Variants in SNTG1 observed in about 807,000 individuals in gnomAD.
The protein encoded by SNTG1 is syntrophin gamma 1, also known as gamma-1-syntrophin.
Under a neutral mutation model 74.7 loss-of-function variants are expected in SNTG1, and 39 were observed. The ratio of observed to expected loss-of-function variants is 0.52; its 90% CI spans 0.40 to 0.68. The LOEUF (loss-of-function observed/expected upper bound fraction) is 0.68, where lower values mean the gene tolerates loss of function less well. SNTG1 is among the 30% of genes least tolerant of loss of function. The pLI is 0.00. For synonymous variants in SNTG1, 254 were observed against 217.1 expected (o/e 1.17, Z -1.49); for missense variants, 685 against 609.5 (o/e 1.12, Z -1.30).
chr8:50,363,516 G>GTA (rs918556183), intron 2 of SNTG1, among the ~76,000 whole-genome samples: 25 of 150,392 alleles, frequency 1.7e-4, no homozygotes, highest in African/African-American at 4.9e-4. Context: ...CAGGGTGTGT[G>GTA]TATGTGTGTG....
Position 50,234,378 on chromosome 8 carries a change from G to GTA in SNTG1, c.-28+61743_-28+61744insTA, listed in dbSNP as rs1437884681. ...CAGATTAGTGGATTGCGTGGGTTAG[G>GTA]GGTGTGTGTGTAACTATAAAGGAGT... is the stretch of plus-strand genomic sequence containing the variant. On this transcript the variant is annotated intron_variant, in intron 2 of 18. Coordinates refer to ENST00000642720, the MANE Select transcript of SNTG1 (RefSeq NM_018967.5). Among the ~76,000 whole-genome samples the GTA allele has an allele frequency of 2.0e-5, 3 of 151,896 alleles. No homozygotes were observed. The East Asian group carries it at 5.8e-4, about 30-fold the overall frequency.
chr8:50,712,268 AT>A (rs1422192877), intron 17 of SNTG1, among the ~76,000 whole-genome samples: 1 of 152,162 alleles, frequency 6.6e-6, no homozygotes, highest in Non-Finnish European at 1.5e-5. Flanking sequence ...ATGAGAAATC[AT>A]GTCTGTGGGT....
At chr8:50,317,728 G>T (rs1323660619) in intron 2 of SNTG1, among the ~76,000 whole-genome samples, 2 of 152,158 alleles carry the variant, frequency 1.3e-5, no homozygotes, top group Non-Finnish European at 1.5e-5. Context: ...TTATGACATC[G>T]TTTGCCTATT....
intron 4 of SNTG1, 68 bp from the exon 5 acceptor site, chr8:50,438,475 C>T: frequency 4.9e-6 from 7 of 1,425,130 alleles, no homozygotes; most frequent in Non-Finnish European, 6.8e-6. Flanking sequence ...ACCAAAAAAA[C>T]AACAAAAAAT....
At chr8:50,333,223 T>C (rs187983303) in intron 2 of SNTG1, among the ~76,000 whole-genome samples, 23 of 152,346 alleles carry the variant, frequency 1.5e-4, no homozygotes, top group Admixed American at 1.3e-3. Context: ...CTATGTATCA[T>C]AATTTATAAA....
At chr8:50,769,421 T>C (rs2095621810) in intron 18 of SNTG1, among the ~76,000 whole-genome samples, 2 of 151,954 alleles carry the variant, frequency 1.3e-5, no homozygotes, top group Admixed American at 1.3e-4. Context: ...CTGGAAGCAA[T>C]TTCCCAGGAA....
rs576428444 is a variant in SNTG1, at chr8:50,446,091, G to A, written c.220-3577G>A. On this transcript the variant is annotated intron_variant, in intron 5 of 18. Transcript: ENST00000642720. The stretch of plus-strand genomic sequence containing the variant: ...TACACTGGAAGAGAGGCAGTTTAAA[G>A]GTTCTCATTATTATTCAACTGTCAT... Among the ~76,000 whole-genome samples the A allele has an allele frequency of 5.9e-5, 9 of 152,240 alleles. 1 individual carries two copies. The South Asian group carries it at 1.7e-3, about 28-fold the overall frequency.
At chr8:50,354,712 G>C (rs1049297249) in intron 2 of SNTG1, among the ~76,000 whole-genome samples, 1 of 152,114 alleles carries the variant, frequency 6.6e-6, no homozygotes, top group Non-Finnish European at 1.5e-5. Context: ...GGGTCTGCAG[G>C]TCAGGATCTC....
intron 2 of SNTG1, among the ~76,000 whole-genome samples, chr8:50,262,389 A>G (rs78249509): frequency 0.063 from 9,556 of 152,208 alleles, 305 homozygotes; most frequent in Middle Eastern, 0.11. Context: ...AGAGAAAATC[A>G]GCAAACCAAC....
At chr8:50,702,974 A>T (rs2095431243) in intron 15 of SNTG1, among the ~76,000 whole-genome samples, 1 of 152,228 alleles carries the variant, frequency 6.6e-6, no homozygotes, top group African/African-American at 2.4e-5. Flanking sequence ...ACTTACCATG[A>T]ATGGAGTTTG....
At chr8:50,039,368 T>C (rs1412189532) in intron 1 of SNTG1, among the ~76,000 whole-genome samples, 1 of 136,304 alleles carries the variant, frequency 7.3e-6, no homozygotes, top group Non-Finnish European at 1.5e-5. Flanking sequence ...GGCAGGAGAA[T>C]GGCATGAACC....
intron 2 of SNTG1, among the ~76,000 whole-genome samples, chr8:50,329,753 C>T (rs1024674539): frequency 1.3e-5 from 2 of 152,144 alleles, no homozygotes; most frequent in African/African-American, 4.8e-5. Context: ...TAGTGATTAG[C>T]ATATGGCTCC....
At chr8:50,265,106 G>T (rs934876515) in intron 2 of SNTG1, among the ~76,000 whole-genome samples, 1 of 151,940 alleles carries the variant, frequency 6.6e-6, no homozygotes, top group Non-Finnish European at 1.5e-5. Flanking sequence ...ATTTAAAAAA[G>T]AGTGAACACT....
chr8:50,483,249 G>A (rs2093755734), intron 8 of SNTG1, among the ~76,000 whole-genome samples: 1 of 152,074 alleles, frequency 6.6e-6, no homozygotes, highest in Non-Finnish European at 1.5e-5. Context: ...TTTGTGCATA[G>A]CAGACCTCTC....
At chr8:50,351,889 G>GA (rs1177384967) in intron 2 of SNTG1, among the ~76,000 whole-genome samples, 3 of 152,222 alleles carry the variant, frequency 2.0e-5, no homozygotes, top group Admixed American at 6.5e-5. Context: ...GCTGAATTGG[G>GA]AAAAAATATT....
intron 1 of SNTG1, among the ~76,000 whole-genome samples, chr8:50,030,485 T>C (rs193288158): frequency 1.3e-5 from 2 of 152,124 alleles, no homozygotes; most frequent in Non-Finnish European, 2.9e-5. Flanking sequence ...AAATTTTACA[T>C]TTTAATTTAT....
intron 9 of SNTG1, among the ~76,000 whole-genome samples, chr8:50,506,156 A>G (rs1306685399): frequency 1.3e-5 from 2 of 152,110 alleles, no homozygotes; most frequent in Non-Finnish European, 2.9e-5. Context: ...AAATAATTTC[A>G]TCACATATTG....
Position 50,607,052 on chromosome 8 carries a change from C to T in SNTG1, c.849+16135C>T, listed in dbSNP as rs576931733. 2.6e-5 allele frequency among the ~76,000 whole-genome samples: 4 copies of T among 151,892 alleles called. No individual in the cohort carries two copies. In the South Asian group the frequency reaches 8.3e-4, roughly 31 times the overall value. On this transcript the variant is annotated intron_variant, in intron 13 of 18. Transcript: ENST00000642720. ...GATATGCAGATTTCTCTGCTTTTAA[C>T]GTCTCTCAAAAAAATCAAATTCGAT...
chr8:50,642,230 T>C (rs901573271), intron 13 of SNTG1, among the ~76,000 whole-genome samples: 1 of 152,178 alleles, frequency 6.6e-6, no homozygotes, highest in African/African-American at 2.4e-5. Flanking sequence ...CGAGTTAAAC[T>C]ACTCTCTAAA....
Sources: gnomAD v4.1 joint callset for allele counts (sites outside exome capture counted in the v4.1 genomes callset) on GRCh38, gnomAD v4.1.1 for gene constraint, MANE v1.5 for transcripts, NCBI Gene and HGNC (gene_info 2026-07-23, HGNC 2026-07-21) for gene names.